Variants in DTD1 observed in about 807,000 individuals in gnomAD.
DTD1 encodes D-tyrosyl-tRNA deacylase 1 homolog.
Under a neutral mutation model 25.6 loss-of-function variants are expected in DTD1, and 13 were observed. The ratio of observed to expected loss-of-function variants is 0.51; its 90% confidence interval spans 0.33 to 0.81. The LOEUF is 0.81. Ranked by LOEUF, DTD1 falls within the 30% of genes least tolerant of loss-of-function variation. DTD1 has a pLI of 0.02. For missense variants in DTD1, 193 were observed against 266.4 expected (o/e 0.72, Z 1.92); for synonymous variants, 110 against 103.6 (o/e 1.06, Z -0.37).
intron 5 of DTD1, among the ~76,000 whole-genome samples, chr20:18,759,844 C>G (rs947909520): frequency 6.6e-6 from 1 of 152,178 alleles, no homozygotes; most frequent in Non-Finnish European, 1.5e-5. Flanking sequence ...CAACTTGGTT[C>G]CATTCTCCCC....
At chr20:18,625,272 C>T (rs1371964787) in intron 3 of DTD1, among the ~76,000 whole-genome samples, 2 of 152,336 alleles carry the variant, frequency 1.3e-5, no homozygotes, top group African/African-American at 2.4e-5. Context: ...AATCAGCTGC[C>T]AGGGCCTGAA....
chr20:18,651,004 CTAT>C (rs2060872045), intron 4 of DTD1, among the ~76,000 whole-genome samples: 1 of 152,084 alleles, frequency 6.6e-6, no homozygotes, highest in Admixed American at 6.5e-5. Context: ...GGAGAGAAAC[CTAT>C]TAACAGACTA....
intron 4 of DTD1, among the ~76,000 whole-genome samples, chr20:18,685,202 A>T (rs558772426): frequency 2.6e-5 from 4 of 152,304 alleles, no homozygotes; most frequent in South Asian, 2.1e-4. Context: ...AACAGTTTTG[A>T]TAAGAGGCTT....
chr20:18,640,163 G>A (rs140630319), intron 4 of DTD1, among the ~76,000 whole-genome samples: 2 of 151,052 alleles, frequency 1.3e-5, no homozygotes, highest in African/African-American at 4.9e-5. Flanking sequence ...AAGCAAGAAA[G>A]CAGTGTATTA....
intron 4 of DTD1, among the ~76,000 whole-genome samples, chr20:18,708,265 T>TTTA (rs1568676858): frequency 4.3e-4 from 6 of 13,822 alleles, no homozygotes; most frequent in East Asian, 2.3e-3. Context: ...TATATATATT[T>TTTA]TATATATATA....
intron 4 of DTD1, among the ~76,000 whole-genome samples, chr20:18,694,651 G>C (rs554490462): frequency 3.9e-5 from 6 of 152,150 alleles, no homozygotes; most frequent in African/African-American, 1.2e-4. Context: ...AGCAGCAGCC[G>C]GGCCTTCCGA....
At chr20:18,753,703 A>G (rs529891859) in intron 5 of DTD1, among the ~76,000 whole-genome samples, 7 of 152,212 alleles carry the variant, frequency 4.6e-5, no homozygotes, top group East Asian at 1.9e-4. Context: ...ATAAAAGCCA[A>G]TTGCTGTCAA....
chr20:18,614,142 A>G (rs1273684727), intron 3 of DTD1, among the ~76,000 whole-genome samples: 5 of 152,174 alleles, frequency 3.3e-5, no homozygotes, highest in East Asian at 1.9e-4. Context: ...CTCTTCTTCT[A>G]TTGTAATGAC....
At chr20:18,756,475 G>T (rs182817968) in intron 5 of DTD1, among the ~76,000 whole-genome samples, 12 of 152,294 alleles carry the variant, frequency 7.9e-5, no homozygotes, top group African/African-American at 2.9e-4. Context: ...TCCAGTTTCA[G>T]CTTTCTACAT....
At position 18,703,245 on chromosome 20, in the gene DTD1, T is replaced by C. The variant is rs2061112731; in HGVS notation, c.478-40855T>C. On this transcript the variant is annotated intron_variant, in intron 4 of 5. Coordinates refer to ENST00000377452, the MANE Select transcript of DTD1 (RefSeq NM_080820.6). Reference sequence around the variant, plus strand: ...CATGGTTCTGCTTCTGGTGTTTCTATGAGGACTATTTACTGACCATATTCT... The same window carrying C: ...CATGGTTCTGCTTCTGGTGTTTCTACGAGGACTATTTACTGACCATATTCT... 2.6e-5 allele frequency among the ~76,000 whole-genome samples: 4 copies of C among 152,216 alleles called. No individual in the cohort carries two copies. In the South Asian group the frequency reaches 8.3e-4, roughly 32 times the overall value.
rs952423738 is a variant in DTD1, at chr20:18,766,370, T to C, written c.*3030T>C. The C allele has an allele frequency of 2.6e-5, 4 of 152,142 alleles. No individual in the cohort carries two copies. Among genetic ancestry groups the C allele is most frequent in the East Asian group, 1.9e-4 (1 of 5,196 alleles). The allele number at this position is 152,142 out of a possible 1,614,324, so 9.4% of individuals were successfully genotyped here. A position where few individuals can be genotyped will look rare whatever the true frequency, so the allele number is the denominator to read the frequency against. On this transcript the variant is annotated 3_prime_UTR_variant, in exon 6 of 6. Coordinates refer to ENST00000377452, the MANE Select transcript of DTD1 (RefSeq NM_080820.6). ...GTTGTTCGTTATTGATTCAGGTCCT[T>C]TAAAAATAGAGTTAAACACCCTCAT...
intron 4 of DTD1, among the ~76,000 whole-genome samples, chr20:18,677,725 G>A (rs2060981831): frequency 6.6e-6 from 1 of 152,154 alleles, no homozygotes; most frequent in Admixed American, 6.5e-5. Context: ...GAGGACACAG[G>A]ACAGAGAGGC....
At chr20:18,751,845 T>G (rs567219257) in intron 5 of DTD1, among the ~76,000 whole-genome samples, 22 of 146,280 alleles carry the variant, frequency 1.5e-4, no homozygotes, top group African/African-American at 5.3e-4. Context: ...CTTGTAGTTT[T>G]TTTTTTTTGT....
At chr20:18,679,799 C>T (rs2060989708) in intron 4 of DTD1, among the ~76,000 whole-genome samples, 1 of 152,202 alleles carries the variant, frequency 6.6e-6, no homozygotes, top group Non-Finnish European at 1.5e-5. Flanking sequence ...GCTGAAGCCT[C>T]CTTGCTCAGG....
At chr20:18,708,296 TA>T (rs1568676994) in intron 4 of DTD1, among the ~76,000 whole-genome samples, 7 of 53,518 alleles carry the variant, frequency 1.3e-4, no homozygotes, top group African/African-American at 4.5e-4. Context: ...TATATATATA[TA>T]ATATATATAT....
chr20:18,664,467 C>T (rs2060923815), intron 4 of DTD1, among the ~76,000 whole-genome samples: 1 of 152,116 alleles, frequency 6.6e-6, no homozygotes, highest in African/African-American at 2.4e-5. Context: ...TTCTGGGGCT[C>T]AGCTCCATGC....
At chr20:18,612,337 A>G (rs2060690767) in intron 3 of DTD1, among the ~76,000 whole-genome samples, 1 of 152,056 alleles carries the variant, frequency 6.6e-6, no homozygotes, top group Non-Finnish European at 1.5e-5. Context: ...CCTGGCCCAC[A>G]CATGTTTATT....
At chr20:18,612,523 A>G (rs2060691509) in intron 3 of DTD1, among the ~76,000 whole-genome samples, 1 of 152,106 alleles carries the variant, frequency 6.6e-6, no homozygotes, top group African/African-American at 2.4e-5. Context: ...ACGGTAACCT[A>G]TGGAAGGTCA....
intron 4 of DTD1, among the ~76,000 whole-genome samples, chr20:18,702,356 A>G (rs149352449): frequency 2.6e-5 from 4 of 152,276 alleles, no homozygotes; most frequent in African/African-American, 7.2e-5. Flanking sequence ...GTTGGGTGCT[A>G]TTTGGCTTTA....
Sources: allele counts gnomAD v4.1 joint callset (sites outside exome capture counted in the v4.1 genomes callset), GRCh38; gene constraint gnomAD v4.1.1; transcripts MANE v1.5; gene names NCBI Gene and HGNC (gene_info 2026-07-23, HGNC 2026-07-21).